Variants in HSPA12A observed in about 807,000 individuals in gnomAD.
HSPA12A encodes the protein heat shock protein family A (Hsp70) member 12A.
HSPA12A carries 28 observed loss-of-function variants against 69.2 expected under a neutral mutation model. The observed-to-expected ratio is 0.40, with a 90% CI of 0.30 to 0.55. HSPA12A has a LOEUF of 0.55. HSPA12A is among the 20% of genes least tolerant of loss of function. The pLI is 0.38. For synonymous variants in HSPA12A, 345 were observed against 370.5 expected (o/e 0.93, Z 0.79); for missense variants, 686 against 900.7 (o/e 0.76, Z 3.05).
chr10:116,675,330 C>G lies in HSPA12A; in HGVS notation c.1479G>C (p.Ala493=). The change falls in exon 12 of 12, where the codon GCG becomes GCC. Residue 493 remains alanine (A), a synonymous_variant. Coordinates refer to ENST00000369209, the MANE Select transcript of HSPA12A (RefSeq NM_025015.3). The surrounding 1 kb of genome is among the most constrained non-coding windows in gnomAD (Gnocchi z 5.2). ...ACTGGTCCCCAAAAGCAGCCTGCACCGCCTGCTGCAGCAGGGGCGCCTCGG... is the reference window on the plus strand; with the variant it reads ...ACTGGTCCCCAAAAGCAGCCTGCACGGCCTGCTGCAGCAGGGGCGCCTCGG... ...GFAEAPLLQQ[A]VQAAFGDQCR... is the part of the protein sequence containing the mutation. 17 of 1,613,090 alleles carry G rather than the reference C, an allele frequency of 1.1e-5. No homozygotes were observed. The highest frequency in any genetic ancestry group is 1.4e-5 in the Non-Finnish European group (16 of 1,179,936).
intron 1 of HSPA12A, among the ~76,000 whole-genome samples, chr10:116,742,176 G>A (rs1851530024): frequency 6.6e-6 from 1 of 151,944 alleles, no homozygotes; most frequent in African/African-American, 2.4e-5. Flanking sequence ...CTCAGCGGGG[G>A]CTGCAGTCCC....
At chr10:116,745,523 T>A (rs1171293843), upstream of HSPA12A, among the ~76,000 whole-genome samples, 2 of 152,218 alleles carry the variant, frequency 1.3e-5, no homozygotes, top group African/African-American at 4.8e-5. Flanking sequence ...GTGGAGAGAA[T>A]GTTACACATC....
At chr10:116,787,014 A>ACACG (rs1241977413) in intron 2 of HSPA12A, among the ~76,000 whole-genome samples, 38 of 149,434 alleles carry the variant, frequency 2.5e-4, no homozygotes, top group African/African-American at 8.4e-4. Flanking sequence ...ACACATACAC[A>ACACG]CACGCACGCA....
chr10:116,738,010 C>T (rs547945919), intron 1 of HSPA12A, among the ~76,000 whole-genome samples: 14 of 152,306 alleles, frequency 9.2e-5, no homozygotes, highest in South Asian at 4.1e-4. Context: ...CCCTGCCACA[C>T]GCTGCTCATT....
intron 1 of HSPA12A, among the ~76,000 whole-genome samples, chr10:116,741,032 C>T (rs1554887052): frequency 6.7e-6 from 1 of 149,402 alleles, no homozygotes; most frequent in Non-Finnish European, 1.5e-5. Context: ...AGACAGCTGC[C>T]AGTCCATTGC....
At chr10:116,758,766 G>C (rs373679156) in intron 2 of HSPA12A, among the ~76,000 whole-genome samples, 1 of 152,298 alleles carries the variant, frequency 6.6e-6, no homozygotes, top group African/African-American at 2.4e-5. Context: ...CACAGAGCTT[G>C]CTCAAGTTTT....
Position 116,674,516 on chromosome 10 carries a change from ACCAC to A in HSPA12A, c.*261_*264del. ...TGATTCCCTTCTCCGTGGCCATTTC[ACCAC>A]TTTTGTACCTATGAAAACTAGCTGC... On this transcript the variant is annotated 3_prime_UTR_variant, in exon 12 of 12. Transcript: ENST00000369209. The A allele has an allele frequency of 2.0e-6, 1 of 496,936 alleles. No homozygotes were observed. Among genetic ancestry groups the A allele is most frequent in the South Asian group, 2.7e-5 (1 of 37,618 alleles). 30.8% of individuals were successfully genotyped at this position (496,936 alleles called of 1,614,324 possible).
chr10:116,829,075 C>T (rs1178076542), intron 2 of HSPA12A: 2 of 152,144 alleles, frequency 1.3e-5, no homozygotes, highest in African/African-American at 4.8e-5. Context: ...TGTCCCCACC[C>T]AAATCTCACC....
chr10:116,762,021 C>T (rs150422730), intron 2 of HSPA12A, among the ~76,000 whole-genome samples: 27 of 152,312 alleles, frequency 1.8e-4, no homozygotes, highest in Admixed American at 1.1e-3. Context: ...CTGGCCTGGA[C>T]GACAGCCCAG....
At chr10:116,774,885 G>A (rs887298268) in intron 2 of HSPA12A, among the ~76,000 whole-genome samples, 2 of 152,140 alleles carry the variant, frequency 1.3e-5, no homozygotes, top group Middle Eastern at 3.2e-3. Flanking sequence ...AGCCCCTCGT[G>A]TTGGCTATAC....
chr10:116,850,238 A>C, upstream of HSPA12A: 1 of 206,066 alleles, frequency 4.9e-6, no homozygotes, highest in South Asian at 6.7e-5. Flanking sequence ...TTAATATCTG[A>C]CCAGCCCCGC....
At chr10:116,801,102 C>G (rs569253721) in intron 2 of HSPA12A, among the ~76,000 whole-genome samples, 1 of 152,276 alleles carries the variant, frequency 6.6e-6, no homozygotes, top group East Asian at 1.9e-4. Context: ...TTTAGAAAGG[C>G]TTGATGTGGT....
chr10:116,712,139 C>T (rs1242597322), intron 1 of HSPA12A, among the ~76,000 whole-genome samples: 1 of 152,202 alleles, frequency 6.6e-6, no homozygotes, highest in Admixed American at 6.5e-5. Context: ...GTCTCCTTTG[C>T]TATTAGCTAC....
chr10:116,809,713 C>T (rs1375124729), intron 2 of HSPA12A, among the ~76,000 whole-genome samples: 2 of 152,250 alleles, frequency 1.3e-5, no homozygotes, highest in East Asian at 3.9e-4. Flanking sequence ...GCCTGGACAG[C>T]TTCTTGCTCT....
chr10:116,769,416 C>A (rs1844149200), intron 2 of HSPA12A, among the ~76,000 whole-genome samples: 3 of 152,170 alleles, frequency 2.0e-5, no homozygotes, highest in Admixed American at 2.0e-4. Flanking sequence ...CAATGTAGAC[C>A]CCTATGGTCT....
At chr10:116,817,641 G>C (rs1371929210) in intron 2 of HSPA12A, among the ~76,000 whole-genome samples, 3 of 152,166 alleles carry the variant, frequency 2.0e-5, no homozygotes, top group Non-Finnish European at 4.4e-5. Context: ...ATGAAGAGAA[G>C]TGGAGAATCG....
intron 10 of HSPA12A, 59 bp downstream of exon 10, chr10:116,679,444 C>A: frequency 6.3e-7 from 1 of 1,591,346 alleles, no homozygotes; most frequent in South Asian, 1.1e-5. Flanking sequence ...CTCCTCTCTC[C>A]CATCAGCACG....
intron 1 of HSPA12A, among the ~76,000 whole-genome samples, chr10:116,842,753 C>T (rs1020796503): frequency 1.3e-5 from 2 of 152,152 alleles, no homozygotes; most frequent in Non-Finnish European, 2.9e-5. Context: ...CAGGCACCCA[C>T]CACTGTGCCC....
intron 1 of HSPA12A, among the ~76,000 whole-genome samples, chr10:116,731,724 G>A (rs1025515221): frequency 2.0e-4 from 31 of 152,142 alleles, no homozygotes; most frequent in African/African-American, 7.2e-4. Flanking sequence ...CTATTTGTGG[G>A]AGATAATTAC....
Sources: gnomAD v4.1 joint callset for allele counts (sites outside exome capture counted in the v4.1 genomes callset) on GRCh38, gnomAD v4.1.1 for gene constraint, Gnocchi (gnomAD v3.1) non-coding constraint, MANE v1.5 for transcripts, NCBI Gene and HGNC (gene_info 2026-07-23, HGNC 2026-07-21) for gene names.